The following GRAMD2B variants were observed in gnomAD, a reference collection of about 807,000 sequenced individuals.
GRAMD2B encodes GRAM domain-containing protein 2B.
A neutral mutation model predicts 59.2 loss-of-function variants in GRAMD2B; 41 were observed. That is an observed-to-expected ratio of 0.69 (90% CI 0.54 to 0.90). The LOEUF (loss-of-function observed/expected upper bound fraction) is 0.90, where lower values mean the gene tolerates loss of function less well. GRAMD2B is among the 40% of genes least tolerant of loss of function. The pLI is 0.00. For synonymous variants in GRAMD2B, 161 were observed against 182.7 expected (o/e 0.88, Z 0.96); for missense variants, 424 against 500.5 (o/e 0.85, Z 1.46).
At chr5:126,399,152 A>G (rs1757613630) in intron 1 of GRAMD2B, among the ~76,000 whole-genome samples, 1 of 152,018 alleles carries the variant, frequency 6.6e-6, no homozygotes, top group Non-Finnish European at 1.5e-5. Context: ...TTCATTATCA[A>G]TTTTCTGTTT....
At position 126,376,591 on chromosome 5, in the gene GRAMD2B, A is replaced by G. The variant is rs189871072; in HGVS notation, c.125+5024A>G. On this transcript the variant is annotated intron_variant, in intron 1 of 8. Transcript: ENST00000506445. ...TCTATGGCACCAGATGAACAGGAAC[A>G]CAGCAGACACTGTGCCATGACCCAT... 9.2e-5 allele frequency among the ~76,000 whole-genome samples: 14 copies of G among 152,328 alleles called. No individual in the cohort carries two copies. The East Asian group carries it at 2.7e-3, about 29-fold the overall frequency.
Position 126,474,248 on chromosome 5 carries a change from C to T in GRAMD2B, c.486+880C>T, listed in dbSNP as rs556581551. On this transcript the variant is annotated intron_variant, in intron 5 of 13. Coordinates refer to ENST00000285689, the MANE Select transcript of GRAMD2B (RefSeq NM_023927.4). ...GAAGCAACTTTCATACTCATGAAGTCGCTGATTAAAACTTCTTTTTGAGTA... is the reference window on the plus strand; with the variant it reads ...GAAGCAACTTTCATACTCATGAAGTTGCTGATTAAAACTTCTTTTTGAGTA... 7.2e-5 allele frequency among the ~76,000 whole-genome samples: 11 copies of T among 152,228 alleles called. No individual in the cohort carries two copies. In the South Asian group the frequency reaches 1.9e-3, roughly 26 times the overall value.
At chr5:126,365,750 T>C (rs1754413848) in intron 1 of GRAMD2B, among the ~76,000 whole-genome samples, 1 of 152,116 alleles carries the variant, frequency 6.6e-6, no homozygotes, top group Non-Finnish European at 1.5e-5. Flanking sequence ...TGCATCACTG[T>C]TTAAATAATA....
At chr5:126,480,089 A>AG (rs1158400650) in intron 6 of GRAMD2B, 1 of 176,182 alleles carries the variant, frequency 5.7e-6, no homozygotes, top group Non-Finnish European at 1.2e-5. Flanking sequence ...ACAAAAACAG[A>AG]GGGAGAGAGA....
chr5:126,410,952 G>A (rs772989582), intron 1 of GRAMD2B, among the ~76,000 whole-genome samples: 1 of 151,930 alleles, frequency 6.6e-6, no homozygotes, highest in East Asian at 1.9e-4. Flanking sequence ...TTTTTAAATA[G>A]GGTTATTTGT....
intron 1 of GRAMD2B, among the ~76,000 whole-genome samples, chr5:126,430,114 G>A (rs894019634): frequency 6.6e-6 from 1 of 152,186 alleles, no homozygotes; most frequent in Non-Finnish European, 1.5e-5. Flanking sequence ...AGATCCTTGA[G>A]AGAGGTTCCT....
At chr5:126,488,475 G>T (rs1361932081) in intron 12 of GRAMD2B, among the ~76,000 whole-genome samples, 1 of 152,106 alleles carries the variant, frequency 6.6e-6, no homozygotes, top group East Asian at 1.9e-4. Context: ...AGACAGAAAG[G>T]ATATTAGGGG....
At chr5:126,467,750 A>T (rs552545646) in intron 2 of GRAMD2B, 1 of 152,288 alleles carries the variant, frequency 6.6e-6, no homozygotes, top group East Asian at 1.9e-4. Context: ...ATTCCCAGGG[A>T]ATTTATGTCT....
chr5:126,491,180 C>T (rs1211568036), intron 13 of GRAMD2B, among the ~76,000 whole-genome samples: 4 of 152,076 alleles, frequency 2.6e-5, no homozygotes, highest in African/African-American at 4.8e-5. Flanking sequence ...TGTGTGTCAT[C>T]GTAGGTGTGT....
intron 1 of GRAMD2B, among the ~76,000 whole-genome samples, chr5:126,440,273 T>C (rs915079164): frequency 1.3e-5 from 2 of 152,204 alleles, no homozygotes; most frequent in African/African-American, 4.8e-5. Context: ...GGAAAACTTA[T>C]GAAGTATTTC....
intron 1 of GRAMD2B, among the ~76,000 whole-genome samples, chr5:126,391,319 C>CAAAAGAAAAAAAAAAAA (rs1756736362): frequency 1.3e-5 from 1 of 76,350 alleles, no homozygotes; most frequent in African/African-American, 4.8e-5. Context: ...GACTCCATCT[C>CAAAAGAAAAAAAAAAAA]AAAAAAAAAA....
chr5:126,365,705 T>C (rs76192654), intron 1 of GRAMD2B, among the ~76,000 whole-genome samples: 1 of 140,796 alleles, frequency 7.1e-6, no homozygotes, highest in African/African-American at 2.6e-5. Flanking sequence ...AAATCAGAGC[T>C]TTTTTTTTTT....
At chr5:126,362,900 T>C (rs924785295) in intron 1 of GRAMD2B, among the ~76,000 whole-genome samples, 3 of 152,170 alleles carry the variant, frequency 2.0e-5, no homozygotes, top group African/African-American at 4.8e-5. Context: ...TAAATAATCA[T>C]TGGGTTGGGC....
intron 1 of GRAMD2B, among the ~76,000 whole-genome samples, chr5:126,409,956 C>CTAAATAGGGA (rs1580835875): frequency 6.6e-6 from 1 of 151,076 alleles, no homozygotes; most frequent in Non-Finnish European, 1.5e-5. Context: ...ATCCTTTCCC[C>CTAAATAGGGA]ATTGCTTGTT....
chr5:126,387,508 ATAT>A (rs1240983095), intron 1 of GRAMD2B, among the ~76,000 whole-genome samples: 1 of 151,332 alleles, frequency 6.6e-6, no homozygotes, highest in African/African-American at 2.4e-5. Flanking sequence ...TATACTCAAA[ATAT>A]TATTTCTCTC....
intron 4 of GRAMD2B, among the ~76,000 whole-genome samples, chr5:126,472,880 C>G (rs1366773631): frequency 6.6e-6 from 1 of 152,134 alleles, no homozygotes; most frequent in Non-Finnish European, 1.5e-5. Context: ...GTTATGTGCT[C>G]TTCCCCTAGT....
intron 1 of GRAMD2B, among the ~76,000 whole-genome samples, chr5:126,405,322 C>T (rs1188581487): frequency 6.6e-6 from 1 of 151,888 alleles, no homozygotes; most frequent in East Asian, 1.9e-4. Flanking sequence ...TCATCTGTGA[C>T]ATCACCAGAG....
In GRAMD2B at chr5:126,447,562, G is replaced by A. The variant is rs1581049256; in HGVS notation, c.84-17864G>A. Among the ~76,000 whole-genome samples, 3 of 152,032 alleles carry A rather than the reference G, an allele frequency of 2.0e-5. No individual in the cohort carries two copies. The South Asian group carries it at 6.3e-4, about 32-fold the overall frequency. On this transcript the variant is annotated intron_variant, in intron 1 of 13. Transcript: ENST00000285689. The stretch of plus-strand genomic sequence containing the variant: ...GCCTGTAGTCCCAGCTACTCAGGAG[G>A]CTGAGGCAGGAGAATGGCGTGAACC...
At chr5:126,449,941 T>A (rs1765031398) in intron 1 of GRAMD2B, among the ~76,000 whole-genome samples, 1 of 152,102 alleles carries the variant, frequency 6.6e-6, no homozygotes, top group African/African-American at 2.4e-5. Context: ...AGAGTTTGAG[T>A]GAGGGAGAAA....
Sources: gnomAD v4.1 joint callset for allele counts (sites outside exome capture counted in the v4.1 genomes callset) on GRCh38, gnomAD v4.1.1 for gene constraint, MANE v1.5 for transcripts, NCBI Gene and HGNC (gene_info 2026-07-23, HGNC 2026-07-21) for gene names.